XRN1: variants seen among roughly 807,000 people sequenced by gnomAD.
XRN1 encodes the protein 5'-3' exoribonuclease 1.
In XRN1, 67 loss-of-function variants were observed where a neutral mutation model predicts 222.3. The ratio of observed to expected loss-of-function variants is 0.30; its 90% CI spans 0.25 to 0.37. The LOEUF (loss-of-function observed/expected upper bound fraction) is 0.37, where lower values mean the gene tolerates loss of function less well. XRN1 is among the 10% of genes least tolerant of loss of function. The probability of loss-of-function intolerance (pLI) is 1.00; values close to 1 mark genes in which losing one functional copy is unlikely to be tolerated. For synonymous variants in XRN1, 643 were observed against 652.4 expected, an observed-to-expected ratio of 0.99 and a Z score of 0.22; for missense variants, 1,707 against 2,000.2, an observed-to-expected ratio of 0.85 and a Z score of 2.80.
At chr3:142,338,217 C>T (rs1011593150) in intron 33 of XRN1, among the ~76,000 whole-genome samples, 1 of 152,202 alleles carries the variant, frequency 6.6e-6, no homozygotes, top group Non-Finnish European at 1.5e-5. Context: ...AGACATCCCT[C>T]TCTTCCACTT....
intron 20 of XRN1, among the ~76,000 whole-genome samples, chr3:142,395,325 CT>C (rs2067888025): frequency 2.0e-5 from 3 of 152,192 alleles, no homozygotes; most frequent in African/African-American, 7.2e-5. Context: ...AACCTAAGTG[CT>C]CATGAATCCA....
intron 2 of XRN1, among the ~76,000 whole-genome samples, chr3:142,430,943 T>C (rs1427249526): frequency 2.0e-5 from 3 of 152,214 alleles, no homozygotes; most frequent in African/African-American, 7.2e-5. Flanking sequence ...GATAATACCC[T>C]GAATTTCCTA....
At chr3:142,431,312 G>T (rs570827962) in intron 2 of XRN1, among the ~76,000 whole-genome samples, 1 of 152,206 alleles carries the variant, frequency 6.6e-6, no homozygotes, top group East Asian at 1.9e-4. Context: ...TGTAGCTTGG[G>T]AACTAACAGA....
At chr3:142,339,649 C>G (rs1346206919) in intron 33 of XRN1, among the ~76,000 whole-genome samples, 2 of 152,130 alleles carry the variant, frequency 1.3e-5, no homozygotes, top group Non-Finnish European at 2.9e-5. Flanking sequence ...TTCAAAATAA[C>G]TGTTTTGGTC....
chr3:142,367,141 G>T (rs964692180), intron 27 of XRN1, among the ~76,000 whole-genome samples: 2 of 152,096 alleles, frequency 1.3e-5, no homozygotes, highest in Non-Finnish European at 2.9e-5. Flanking sequence ...TACAAAATTA[G>T]CCGAGCATGG....
At chr3:142,428,707 T>G (rs1271034684) in intron 2 of XRN1, among the ~76,000 whole-genome samples, 1 of 152,176 alleles carries the variant, frequency 6.6e-6, no homozygotes, top group African/African-American at 2.4e-5. Context: ...GTGGCAGGTG[T>G]TGCCATTCAT....
At chr3:142,355,755 C>T (rs772874752) in intron 31 of XRN1, among the ~76,000 whole-genome samples, 3 of 151,794 alleles carry the variant, frequency 2.0e-5, no homozygotes, top group South Asian at 2.1e-4. Flanking sequence ...GGACTACAAG[C>T]GTGTACCATC....
chr3:142,414,026 A>T, intron 14 of XRN1, 109 bp downstream of exon 14: 1 of 1,163,414 alleles, frequency 8.6e-7, no homozygotes, highest in Non-Finnish European at 1.2e-6. Flanking sequence ...TTAAAACTGA[A>T]AATAACTACT....
intron 1 of XRN1, among the ~76,000 whole-genome samples, chr3:142,442,942 C>G (rs2070301385): frequency 6.6e-6 from 1 of 152,108 alleles, no homozygotes; most frequent in African/African-American, 2.4e-5. Flanking sequence ...ACCGTGTTAG[C>G]CAGGATGGTC....
chr3:142,435,757 C>G (rs1288486002), intron 1 of XRN1, among the ~76,000 whole-genome samples: 6 of 124,464 alleles, frequency 4.8e-5, no homozygotes, highest in African/African-American at 2.2e-4. Flanking sequence ...ACTGTCCCCA[C>G]CCCCCAAAAA....
At chr3:142,433,902 AG>A (rs1374861626) in intron 1 of XRN1, among the ~76,000 whole-genome samples, 3 of 152,184 alleles carry the variant, frequency 2.0e-5, no homozygotes, top group Non-Finnish European at 4.4e-5. Flanking sequence ...GGGAGTGAAA[AG>A]TTTTGGTCTC....
intron 33 of XRN1, among the ~76,000 whole-genome samples, chr3:142,341,210 T>C (rs1199402340): frequency 1.3e-5 from 2 of 152,122 alleles, no homozygotes; most frequent in Non-Finnish European, 2.9e-5. Flanking sequence ...GCAAGCAGTG[T>C]TGTTAAGTGT....
chr3:142,429,260 C>T (rs1409357636), intron 2 of XRN1, among the ~76,000 whole-genome samples: 3 of 150,460 alleles, frequency 2.0e-5, no homozygotes, highest in African/African-American at 7.4e-5. Context: ...CAATTCTCTG[C>T]CTCACCCTCC....
At chr3:142,321,105 CTTTTTTTTTTTTTTT>C (rs573856556) in intron 37 of XRN1, among the ~76,000 whole-genome samples, 2 of 87,280 alleles carry the variant, frequency 2.3e-5, no homozygotes, top group Non-Finnish European at 4.2e-5. Flanking sequence ...CATCCACTTC[CTTTTTTTTTTTTTTT>C]TTTTTTTTTT....
rs116672815 is a variant in XRN1, at chr3:142,424,797, G to A, written c.627+425C>T. ...TATTTAAGTTAGATGAAGGGTATAC[G>A]ATGTTCATTATATTACCTTTTCTAT... On this transcript the variant is annotated intron_variant, in intron 5 of 40. Transcript: ENST00000392981. Among the ~76,000 whole-genome samples the A allele has an allele frequency of 1.7e-3, 253 of 152,108 alleles. 2 individuals carry two copies. The highest frequency in any genetic ancestry group is 5.9e-3 in the African/African-American group (243 of 41,488).
chr3:142,376,322 CCATT>C, intron 24 of XRN1, 153 bp downstream of exon 24: 1 of 708,202 alleles, frequency 1.4e-6, no homozygotes, highest in Non-Finnish European at 2.4e-6. Context: ...AAAACATGTG[CCATT>C]CAGATGAAAG....
chr3:142,314,972 A>G (rs1348329616), intron 39 of XRN1, among the ~76,000 whole-genome samples: 6 of 71,198 alleles, frequency 8.4e-5, no homozygotes, highest in African/African-American at 1.1e-4. Context: ...TTTTTTTTTG[A>G]GACCTAGGCT....
At chr3:142,360,533 G>T (rs1398273234) in intron 29 of XRN1, among the ~76,000 whole-genome samples, 1 of 151,778 alleles carries the variant, frequency 6.6e-6, no homozygotes, top group Non-Finnish European at 1.5e-5. Flanking sequence ...AGTGAAAACT[G>T]CTGAGTCTTA....
chr3:142,331,435 C>T (rs1326391094), intron 36 of XRN1, among the ~76,000 whole-genome samples: 1 of 152,032 alleles, frequency 6.6e-6, no homozygotes, highest in Non-Finnish European at 1.5e-5. Flanking sequence ...TCTATTTTTA[C>T]AACAGTTAGG....
Sources: gnomAD v4.1 joint callset for allele counts (sites outside exome capture counted in the v4.1 genomes callset) on GRCh38, gnomAD v4.1.1 for gene constraint, MANE v1.5 for transcripts, NCBI Gene and HGNC (gene_info 2026-07-23, HGNC 2026-07-21) for gene names.